COL4A2: variants seen among roughly 807,000 people sequenced by gnomAD.
The protein encoded by COL4A2 is collagen alpha-2(IV) chain.
In COL4A2, 99 loss-of-function variants were observed where a neutral mutation model predicts 200.2. That is an observed-to-expected ratio of 0.49 (90% confidence interval 0.42 to 0.58). The LOEUF is 0.58. COL4A2 is among the 20% of genes least tolerant of loss of function. The probability of loss-of-function intolerance (pLI) is 0.00; values close to 1 mark genes in which losing one functional copy is unlikely to be tolerated. For missense variants in COL4A2, 1,950 were observed against 2,314.1 expected (o/e 0.84, Z 3.23); for synonymous variants, 897 against 900.6 (o/e 1.00, Z 0.07).
rs937831796 is a variant in COL4A2, at chr13:110,508,311, G to A, written c.4881+90G>A. 11 of 1,561,686 alleles carry A rather than the reference G, an allele frequency of 7.0e-6. No homozygotes were observed. Among genetic ancestry groups the A allele is most frequent in the East Asian group, 4.5e-5 (2 of 44,398 alleles). ...TGCCTTTGTGAGAAGAATCAGACAC[G>A]GCAGTCCAGGGTGTGCACTGCACAA... On this transcript the variant is annotated intron_variant, in intron 47 of 47. Coordinates refer to ENST00000360467, the MANE Select transcript of COL4A2 (RefSeq NM_001846.4). This position sits in a 1 kb window ranked among gnomAD's most constrained non-coding sequence, Gnocchi z 6.1.
chr13:110,409,112 CACACATATACACAT>C, intron 4 of COL4A2, among the ~76,000 whole-genome samples: 1 of 63,448 alleles, frequency 1.6e-5, no homozygotes, highest in South Asian at 7.0e-4. Context: ...ATACACATAA[CACACATATACACAT>C]GCACATGCAC....
chr13:110,398,385 G>T (rs138696427), intron 4 of COL4A2, among the ~76,000 whole-genome samples: 141 of 152,288 alleles, frequency 9.3e-4, no homozygotes, highest in African/African-American at 3.2e-3. Flanking sequence ...TGAGCTGGGC[G>T]CAGTGGCTCA....
Position 110,445,882 on chromosome 13 carries a change from G to A in COL4A2, c.1011G>A (p.Lys337=), listed in dbSNP as rs147765396. The part of the protein sequence containing the change: ...YQGPDGPRGP[K]GEAGDPGPPG... The stretch of plus-strand genomic sequence containing the variant: ...GGCCTGATGGACCCCGGGGACCCAA[G>A]GTGAGCCCGTTTCTCATGTCTTTGC... Residue 337 remains lysine, a splice_region_variant and synonymous_variant, in exon 17 of 48, where the codon AAG becomes AAA. Transcript: ENST00000360467. 1,908 of 1,614,158 alleles carry A rather than the reference G, an allele frequency of 1.2e-3. 13 individuals carry two copies. The African/African-American group carries it at 0.023, about 19-fold the overall frequency.
At chr13:110,507,077 G>A (rs1436048419) in intron 46 of COL4A2, among the ~76,000 whole-genome samples, 3 of 152,172 alleles carry the variant, frequency 2.0e-5, no homozygotes, top group African/African-American at 7.2e-5. Flanking sequence ...AGGCATTAAC[G>A]CGACTTCGAA....
chr13:110,359,556 C>T lies in COL4A2; in HGVS notation c.180+2004C>T, dbSNP rs1877429569. On this transcript the variant is annotated intron_variant, in intron 4 of 47. Coordinates refer to ENST00000360467, the MANE Select transcript of COL4A2 (RefSeq NM_001846.4). ...ATGTTGTTGGAATCAGAAATTATAA[C>T]AGCCCTTGGGTGTCCAAATGAGTTT... 2.0e-5 allele frequency among the ~76,000 whole-genome samples: 3 copies of T among 152,202 alleles called. No individual in the cohort carries two copies. In the South Asian group the frequency reaches 6.2e-4, roughly 32 times the overall value.
intron 18 of COL4A2, among the ~76,000 whole-genome samples, chr13:110,447,143 T>C (rs985322077): frequency 3.9e-5 from 6 of 152,198 alleles, no homozygotes; most frequent in African/African-American, 1.4e-4. Context: ...CGTTGGGGAA[T>C]TCTTTCACTT....
At chr13:110,489,906 G>C (rs1021774041) in intron 36 of COL4A2, 121 bp downstream of exon 36, 1 of 998,810 alleles carries the variant, frequency 1.0e-6, no homozygotes, top group African/African-American at 1.6e-5. Context: ...TAGTGAATGA[G>C]GTCTTCAAGT....
intron 3 of COL4A2, among the ~76,000 whole-genome samples, chr13:110,356,283 G>A (rs1877261257): frequency 6.6e-6 from 1 of 152,186 alleles, no homozygotes; most frequent in African/African-American, 2.4e-5. Context: ...CCTGAGGAAA[G>A]CCTCTTCCCG....
intron 4 of COL4A2, among the ~76,000 whole-genome samples, chr13:110,375,170 T>C (rs950641382): frequency 4.6e-5 from 7 of 152,200 alleles, no homozygotes; most frequent in Admixed American, 3.3e-4. Flanking sequence ...GGTAAGCATC[T>C]TGACTTTGGC....
Position 110,437,942 on chromosome 13 carries a change from T to G in COL4A2, c.826-60T>G, listed in dbSNP as rs896553220. On this transcript the variant is annotated intron_variant, in intron 13 of 47. Transcript: ENST00000360467. The stretch of plus-strand genomic sequence containing the variant: ...AGCTCATGTCATGAACCCTGATTGA[T>G]TTTTACCCATTACCATCCTCAAATT... 2.2e-6 allele frequency: 3 copies of G among 1,375,336 alleles called. No individual in the cohort carries two copies. The Admixed American group carries it at 5.1e-5, about 23-fold the overall frequency. 85.2% of individuals were successfully genotyped at this position (1,375,336 alleles called of 1,614,324 possible).
intron 21 of COL4A2, chr13:110,458,236 A>C (rs1594083059): frequency 2.4e-6 from 1 of 413,858 alleles, no homozygotes; most frequent in Admixed American, 3.1e-5. Context: ...GGGGGAGCCA[A>C]CCCCTGCCGC....
chr13:110,327,382 C>T (rs896691770), intron 3 of COL4A2, among the ~76,000 whole-genome samples: 4 of 152,240 alleles, frequency 2.6e-5, no homozygotes, highest in South Asian at 2.1e-4. Flanking sequence ...CTTCTCCTCG[C>T]GTCACAGACC....
At chr13:110,507,171 T>C (rs941606999) in intron 46 of COL4A2, among the ~76,000 whole-genome samples, 3 of 152,254 alleles carry the variant, frequency 2.0e-5, no homozygotes, top group Admixed American at 2.0e-4. Context: ...GAAGGGTCTC[T>C]GGGATACTGG....
chr13:110,332,232 C>T (rs564213320), intron 3 of COL4A2, among the ~76,000 whole-genome samples: 26 of 152,270 alleles, frequency 1.7e-4, no homozygotes, highest in African/African-American at 6.3e-4. Flanking sequence ...ATTAAGTAGA[C>T]TTCACCAAAA....
intron 3 of COL4A2, among the ~76,000 whole-genome samples, chr13:110,352,171 A>G (rs1429044750): frequency 6.6e-6 from 1 of 152,206 alleles, no homozygotes; most frequent in Non-Finnish European, 1.5e-5. Flanking sequence ...AGGGGTAGCC[A>G]GTCTGTCTCT....
chr13:110,344,708 C>A (rs1348930069), intron 3 of COL4A2, among the ~76,000 whole-genome samples: 2 of 152,200 alleles, frequency 1.3e-5, no homozygotes, highest in African/African-American at 4.8e-5. Context: ...CTTAGAAATG[C>A]TTTCTCCACA....
rs1884844960 is a variant in COL4A2, at chr13:110,308,000, G to C, written c.44+53G>C. 2 of 1,611,506 alleles carry C rather than the reference G, an allele frequency of 1.2e-6. No individual in the cohort carries two copies. Among genetic ancestry groups the C allele is most frequent in the East Asian group, 4.5e-5 (2 of 44,790 alleles). On this transcript the variant is annotated intron_variant, in intron 2 of 47. Transcript: ENST00000360467. This position sits in a 1 kb window ranked among gnomAD's most constrained non-coding sequence, Gnocchi z 5.0. ...GGGTCACGCGCGCATGGACCCTTCG[G>C]TGTAACTCTCGGGGACTGACAAGCC...
chr13:110,435,256 G>A (rs544708941), intron 12 of COL4A2, among the ~76,000 whole-genome samples: 9 of 152,042 alleles, frequency 5.9e-5, no homozygotes, highest in Non-Finnish European at 1.3e-4. Flanking sequence ...GAAAAACATT[G>A]AAGATCCAAA....
intron 4 of COL4A2, among the ~76,000 whole-genome samples, chr13:110,417,527 T>C (rs1193906293): frequency 6.6e-6 from 1 of 152,202 alleles, no homozygotes; most frequent in East Asian, 1.9e-4. Context: ...TCATTGAATA[T>C]TGACAAATGT....
Sources: gnomAD v4.1 joint callset for allele counts (sites outside exome capture counted in the v4.1 genomes callset) on GRCh38, gnomAD v4.1.1 for gene constraint, Gnocchi (gnomAD v3.1) non-coding constraint, MANE v1.5 for transcripts, NCBI Gene and HGNC (gene_info 2026-07-23, HGNC 2026-07-21) for gene names.